Variants in OSBPL6 observed in about 807,000 individuals in gnomAD.
OSBPL6 encodes oxysterol binding protein like 6, also known as oxysterol-binding protein-related protein 6.
A neutral mutation model predicts 125.8 loss-of-function variants in OSBPL6; 49 were observed. The ratio of observed to expected loss-of-function variants is 0.39; its 90% CI spans 0.31 to 0.49. The LOEUF is 0.49. Among genes scored for constraint, OSBPL6 ranks in the 20% least tolerant of loss-of-function variants. The probability of loss-of-function intolerance (pLI) is 0.88; values close to 1 mark genes in which losing one functional copy is unlikely to be tolerated. For synonymous variants in OSBPL6, 394 were observed against 391.8 expected (o/e 1.01, Z -0.07); for missense variants, 986 against 1,135.4 (o/e 0.87, Z 1.89).
At chr2:178,259,301 A>AT (rs1299913642) in intron 1 of OSBPL6, among the ~76,000 whole-genome samples, 3 of 152,152 alleles carry the variant, frequency 2.0e-5, no homozygotes, top group Non-Finnish European at 2.9e-5. Context: ...TTTTGATCAA[A>AT]TTCCGTTTGA....
chr2:178,335,149 C>T (rs908723162), intron 8 of OSBPL6, among the ~76,000 whole-genome samples: 3 of 152,046 alleles, frequency 2.0e-5, no homozygotes, highest in Non-Finnish European at 2.9e-5. Flanking sequence ...GCCTACATCA[C>T]TGGCACAGAC....
chr2:178,253,950 G>T (rs1204263089), intron 1 of OSBPL6, among the ~76,000 whole-genome samples: 1 of 152,154 alleles, frequency 6.6e-6, no homozygotes, highest in East Asian at 1.9e-4. Flanking sequence ...GCTTTATAAA[G>T]AAGAGAGACC....
chr2:178,233,676 C>T (rs1043551069), intron 1 of OSBPL6, among the ~76,000 whole-genome samples: 14 of 152,194 alleles, frequency 9.2e-5, no homozygotes, highest in African/African-American at 3.1e-4. Flanking sequence ...AGATTTCAGT[C>T]GATGTTCAGT....
chr2:178,333,350 TG>T (rs1446866319), intron 8 of OSBPL6, among the ~76,000 whole-genome samples: 1 of 152,044 alleles, frequency 6.6e-6, no homozygotes, highest in Non-Finnish European at 1.5e-5. Flanking sequence ...GTGCCACTAC[TG>T]AATAGCCTGG....
intron 14 of OSBPL6, 80 bp downstream of exon 14, chr2:178,372,313 C>T (rs539148224): frequency 3.1e-6 from 3 of 964,710 alleles, no homozygotes; most frequent in East Asian, 2.6e-5. Context: ...TATTTATATC[C>T]AGTTCTTTCA....
chr2:178,313,098 G>T (rs1687435340), intron 3 of OSBPL6, among the ~76,000 whole-genome samples: 1 of 152,044 alleles, frequency 6.6e-6, no homozygotes, highest in Non-Finnish European at 1.5e-5. Context: ...GTTTCACCAT[G>T]TTGGCCAGGC....
At chr2:178,335,151 G>C (rs2154079112) in intron 8 of OSBPL6, among the ~76,000 whole-genome samples, 1 of 151,932 alleles carries the variant, frequency 6.6e-6, no homozygotes, top group Middle Eastern at 3.4e-3. Context: ...CTACATCACT[G>C]GCACAGACTA....
intron 1 of OSBPL6, among the ~76,000 whole-genome samples, chr2:178,245,301 AC>A (rs1370050172): frequency 6.6e-6 from 1 of 152,168 alleles, no homozygotes; most frequent in Non-Finnish European, 1.5e-5. Context: ...ATGATTGGCA[AC>A]CTTTTCATAA....
At chr2:178,305,354 C>G (rs1413905512) in intron 2 of OSBPL6, among the ~76,000 whole-genome samples, 6 of 152,188 alleles carry the variant, frequency 3.9e-5, no homozygotes, top group Non-Finnish European at 8.8e-5. Context: ...GCAAACCTTC[C>G]TTACATGAAT....
chr2:178,287,713 C>CA (rs1028356440), intron 2 of OSBPL6, among the ~76,000 whole-genome samples: 2 of 151,622 alleles, frequency 1.3e-5, no homozygotes, highest in East Asian at 1.9e-4. Context: ...CTACCCCCCA[C>CA]AAAAAAATAA....
intron 1 of OSBPL6, among the ~76,000 whole-genome samples, chr2:178,233,152 C>G (rs74553775): frequency 0.019 from 2,915 of 152,244 alleles, 40 homozygotes; most frequent in Middle Eastern, 0.048. Flanking sequence ...ATTCAAGAAA[C>G]CTGTTCGATA....
chr2:178,238,153 G>A (rs1171651632), intron 1 of OSBPL6, among the ~76,000 whole-genome samples: 1 of 152,124 alleles, frequency 6.6e-6, no homozygotes, highest in Non-Finnish European at 1.5e-5. Context: ...CTTATCTGCA[G>A]TTTCAGTTAC....
intron 1 of OSBPL6, among the ~76,000 whole-genome samples, chr2:178,242,320 T>C (rs1236138671): frequency 6.6e-6 from 1 of 152,186 alleles, no homozygotes; most frequent in African/African-American, 2.4e-5. Flanking sequence ...TCTTCACTGG[T>C]TCCCAGGAAC....
At chr2:178,300,650 A>G (rs756317352) in intron 2 of OSBPL6, among the ~76,000 whole-genome samples, 2 of 152,156 alleles carry the variant, frequency 1.3e-5, no homozygotes, top group Non-Finnish European at 2.9e-5. Flanking sequence ...TAGTAGAGAC[A>G]GGGTTTCGCC....
At chr2:178,307,894 C>T (rs1686922108) in intron 3 of OSBPL6, among the ~76,000 whole-genome samples, 1 of 152,088 alleles carries the variant, frequency 6.6e-6, no homozygotes, top group East Asian at 1.9e-4. Context: ...CACCCGAGCT[C>T]CAGGACGGGC....
At chr2:178,345,547 T>A (rs1344154461) in intron 11 of OSBPL6, among the ~76,000 whole-genome samples, 2 of 152,250 alleles carry the variant, frequency 1.3e-5, no homozygotes, top group African/African-American at 4.8e-5. Flanking sequence ...GCTTTCATGG[T>A]CCATGTATAT....
intron 1 of OSBPL6, among the ~76,000 whole-genome samples, chr2:178,222,417 G>A (rs1241903907): frequency 1.3e-5 from 2 of 152,202 alleles, no homozygotes; most frequent in Non-Finnish European, 2.9e-5. Context: ...GGCCCAGGCG[G>A]GCGGATCACG....
chr2:178,370,266 A>G (rs931475790), intron 13 of OSBPL6, among the ~76,000 whole-genome samples: 5 of 152,270 alleles, frequency 3.3e-5, no homozygotes, highest in African/African-American at 9.6e-5. Flanking sequence ...GTCTGTCTCA[A>G]AACGAACAAC....
chr2:178,357,249 A>G (rs907815885), intron 12 of OSBPL6, among the ~76,000 whole-genome samples: 3 of 152,250 alleles, frequency 2.0e-5, no homozygotes, highest in African/African-American at 7.2e-5. Flanking sequence ...GGATCTAATG[A>G]AACTAAAGAG....
Sources: allele counts gnomAD v4.1 joint callset (sites outside exome capture counted in the v4.1 genomes callset), GRCh38; gene constraint gnomAD v4.1.1; transcripts MANE v1.5; gene names NCBI Gene and HGNC (gene_info 2026-07-23, HGNC 2026-07-21).